TBL1X: variants seen among roughly 807,000 people sequenced by gnomAD.
The protein encoded by TBL1X is F-box-like/WD repeat-containing protein TBL1X.
In TBL1X, 10 loss-of-function variants were observed where a neutral mutation model predicts 50.7. That is an observed-to-expected ratio of 0.20 (90% CI 0.12 to 0.33). The LOEUF (loss-of-function observed/expected upper bound fraction) is 0.33. TBL1X is among the 10% of genes least tolerant of loss of function. The pLI, the probability that TBL1X is intolerant of heterozygous loss-of-function variation, is 1.00. For synonymous variants in TBL1X, 190 were observed against 214.7 expected, an observed-to-expected ratio of 0.88 and a Z score of 1.01; for missense variants, 340 against 504.4, an observed-to-expected ratio of 0.67 and a Z score of 3.12.
At chrX:9,687,909 G>A in intron 6 of TBL1X, 108 bp from the exon 7 acceptor site, 2 of 1,107,258 alleles carry the variant, frequency 1.8e-6, no homozygotes, top group Non-Finnish European at 2.4e-6. Context: ...CTGGGAGCCA[G>A]CTGTTTACGC....
chrX:9,524,061 A>G (rs1288988779), intron 2 of TBL1X, among the ~76,000 whole-genome samples: 2 of 95,774 alleles, frequency 2.1e-5, no homozygotes, highest in Non-Finnish European at 4.0e-5. Context: ...TCCACCTCCC[A>G]GGTTCAAGCA....
chrX:9,483,594 T>G, intron 1 of TBL1X, among the ~76,000 whole-genome samples: 1 of 111,091 alleles, frequency 9.0e-6, no homozygotes, highest in South Asian at 3.9e-4. Context: ...CTCGCCTGGT[T>G]GGTCTTTTTC....
In TBL1X at chrX:9,716,357, C is replaced by T. The variant is rs776391129; in HGVS notation, c.*111C>T. ...GGAACTTGACTTGCGTTAGAGTGTA[C>T]TCTGAAACCAACTCGTCTCTGGCCG... On this transcript the variant is annotated 3_prime_UTR_variant, in exon 18 of 18. Coordinates refer to ENST00000645353, the MANE Select transcript of TBL1X (RefSeq NM_005647.4). 123 of 830,966 alleles carry T rather than the reference C, an allele frequency of 1.5e-4. No homozygotes were observed. The South Asian group carries it at 2.5e-3, about 17-fold the overall frequency. The allele number at this position is 830,966 out of a possible 1,213,427, so 68.5% of individuals were successfully genotyped here.
intron 2 of TBL1X, among the ~76,000 whole-genome samples, chrX:9,601,773 G>A (rs760762227): frequency 2.1e-4 from 24 of 111,875 alleles, no homozygotes; most frequent in Admixed American, 1.8e-3. Context: ...CTATTTGGCC[G>A]GGCGCAGTGG....
At chrX:9,651,014 T>A (rs1239501827) in intron 3 of TBL1X, among the ~76,000 whole-genome samples, 5 of 2,370 alleles carry the variant, frequency 2.1e-3, no homozygotes, top group African/African-American at 6.0e-3. Flanking sequence ...TGCCAGCCTT[T>A]TTTTTTTTTT....
intron 2 of TBL1X, among the ~76,000 whole-genome samples, chrX:9,536,815 G>A (rs368091682): frequency 1.6e-4 from 18 of 111,337 alleles, no homozygotes; most frequent in South Asian, 7.6e-4. Flanking sequence ...GAAATTACCC[G>A]GAGGTCAAAT....
intron 7 of TBL1X, among the ~76,000 whole-genome samples, chrX:9,690,710 G>T (rs757005): frequency 0.35 from 38,586 of 110,608 alleles, 5,321 homozygotes; most frequent in South Asian, 0.46. Context: ...AGCAGCCAGG[G>T]ACTAGGTTTG....
At chrX:9,468,137 A>G (rs1194902041) in intron 1 of TBL1X, among the ~76,000 whole-genome samples, 1 of 112,449 alleles carries the variant, frequency 8.9e-6, no homozygotes, top group East Asian at 2.8e-4. Context: ...TTTCAGAGGA[A>G]GTCGGGTACT....
intron 13 of TBL1X, among the ~76,000 whole-genome samples, chrX:9,708,580 T>G (rs1038934823): frequency 9.1e-6 from 1 of 110,141 alleles, no homozygotes; most frequent in African/African-American, 3.3e-5. Context: ...GAGGAACTGT[T>G]ACATTAAAAG....
In TBL1X at chrX:9,648,723, G is replaced by C. The variant is rs774690225; in HGVS notation, c.-42-4822G>C. Among the ~76,000 whole-genome samples, 5 of 112,435 alleles carry C rather than the reference G, an allele frequency of 4.4e-5. No homozygotes were observed. In the East Asian group the frequency reaches 1.1e-3, roughly 25 times the overall value. ...GTGCCATCACTCAAGCCAGAAATGA[G>C]GTTTGCAGTGACCTTCTCTGTGCTT... On this transcript the variant is annotated intron_variant, in intron 3 of 17. Transcript: ENST00000645353.
intron 2 of TBL1X, among the ~76,000 whole-genome samples, chrX:9,593,498 G>A (rs1400270213): frequency 9.0e-6 from 1 of 110,772 alleles, no homozygotes; most frequent in African/African-American, 3.3e-5. Flanking sequence ...GCAGATCTGA[G>A]CTTCCTGTTA....
At chrX:9,698,377 G>C (rs1368256015) in intron 12 of TBL1X, among the ~76,000 whole-genome samples, 3 of 111,634 alleles carry the variant, frequency 2.7e-5, no homozygotes, top group Non-Finnish European at 5.6e-5. Flanking sequence ...TCACAGCTAA[G>C]ATTTCTAACA....
At chrX:9,679,569 C>T (rs192764980) in intron 5 of TBL1X, among the ~76,000 whole-genome samples, 5 of 112,296 alleles carry the variant, frequency 4.5e-5, no homozygotes, top group African/African-American at 9.7e-5. Flanking sequence ...GTTCTCCTGC[C>T]CTTTAACTAC....
chrX:9,703,914 G>A (rs765198006), intron 12 of TBL1X, among the ~76,000 whole-genome samples: 1 of 112,705 alleles, frequency 8.9e-6, no homozygotes, highest in Admixed American at 9.3e-5. Context: ...GCATGGTCCA[G>A]CCCTGTGGAG....
In TBL1X at chrX:9,688,229, CAG is replaced by C; in HGVS notation, c.575_576del (p.Glu192GlyfsTer15). 1 of 1,199,605 alleles carries C rather than the reference CAG, an allele frequency of 8.3e-7. No individual in the cohort carries two copies. Among genetic ancestry groups the C allele is most frequent in the Non-Finnish European group, 1.1e-6 (1 of 889,005 alleles). On this transcript the variant is annotated frameshift_variant, in exon 7 of 18. Transcript: ENST00000645353. LOFTEE classifies it high-confidence loss of function. Reference protein sequence around the residue: ...GVSHQNPSKNREATVNGEENR... With the variant: ...GVSHQNPSKNXEATVNGEENR... ...TTTCCCACCAAAATCCATCGAAGAACAGAGAGGCCACGGTGAATGGGGAAGAG... is the reference window on the plus strand; with the variant it reads ...TTTCCCACCAAAATCCATCGAAGAACAGAGGCCACGGTGAATGGGGAAGAG...
At chrX:9,560,838 G>A (rs1488368579) in intron 2 of TBL1X, among the ~76,000 whole-genome samples, 1 of 111,495 alleles carries the variant, frequency 9.0e-6, no homozygotes, top group Non-Finnish European at 1.9e-5. Flanking sequence ...TCCTGTTGTC[G>A]ACAGATGACA....
chrX:9,529,619 A>G (rs937473101), intron 2 of TBL1X, among the ~76,000 whole-genome samples: 1 of 110,420 alleles, frequency 9.1e-6, no homozygotes, highest in Non-Finnish European at 1.9e-5. Context: ...ATGGGGGGTC[A>G]TGAGGCTCAG....
intron 5 of TBL1X, among the ~76,000 whole-genome samples, chrX:9,663,982 C>T (rs1601824897): frequency 9.0e-6 from 1 of 111,010 alleles, no homozygotes; most frequent in East Asian, 2.8e-4. Context: ...TTCCACAGAT[C>T]TACACGTAGG....
chrX:9,491,338 A>ATATATATTTT (rs1328551249), intron 1 of TBL1X, among the ~76,000 whole-genome samples: 5 of 31,314 alleles, frequency 1.6e-4, no homozygotes, highest in East Asian at 1.6e-3. Flanking sequence ...ATATATATAT[A>ATATATATTTT]TTTTTTTTTT....
Sources: gnomAD v4.1 joint callset for allele counts (sites outside exome capture counted in the v4.1 genomes callset) on GRCh38, gnomAD v4.1.1 for gene constraint, MANE v1.5 for transcripts, NCBI Gene and HGNC (gene_info 2026-07-23, HGNC 2026-07-21) for gene names.